PCDHGB2: variants seen among roughly 807,000 people sequenced by gnomAD.
PCDHGB2 encodes the protein protocadherin gamma-B2.
In PCDHGB2, 55 loss-of-function variants were observed where a neutral mutation model predicts 59.3. The observed-to-expected ratio is 0.93, with a 90% CI of 0.75 to 1.16. The LOEUF is 1.16. PCDHGB2 is among the 50% of genes most tolerant of loss of function. The pLI is 0.00. For missense variants in PCDHGB2, 1,228 were observed against 1,198.5 expected (o/e 1.02, Z -0.36); for synonymous variants, 516 against 512.0 (o/e 1.01, Z -0.11).
chr5:141,394,087 C>T, intron 1 of PCDHGB2: 2 of 1,613,888 alleles, frequency 1.2e-6, no homozygotes, highest in Non-Finnish European at 1.7e-6. Context: ...GTGATGGCCT[C>T]AGATCTAGGA....
rs777710801 is a variant in PCDHGB2, at chr5:141,400,340, A to G, written c.2421+37784A>G. On this transcript the variant is annotated intron_variant, in intron 1 of 3. Transcript: ENST00000522605. ...AAGTCTGGACCTGTGGTTCCCCCCA[A>G]CTACAGTCAGGGGACTTTGCCTTAT... The G allele has an allele frequency of 5.0e-6, 8 of 1,613,856 alleles. No homozygotes were observed. The highest frequency in any genetic ancestry group is 1.3e-5 in the African/African-American group (1 of 74,922).
Position 141,487,367 on chromosome 5 carries a change from G to A in PCDHGB2, c.2422-7440G>A. 1 of 1,614,204 alleles carries A rather than the reference G, an allele frequency of 6.2e-7. No individual in the cohort carries two copies. The highest frequency in any genetic ancestry group is 8.5e-7 in the Non-Finnish European group (1 of 1,180,030). ...CACATGCTTTCCTGCTGGCACCTGT[G>A]CCTGTCTCACCAGATCTCGAAGGAG... On this transcript the variant is annotated intron_variant, in intron 1 of 3. Coordinates refer to ENST00000522605, the MANE Select transcript of PCDHGB2 (RefSeq NM_018923.3). This position sits in a 1 kb window ranked among gnomAD's most constrained non-coding sequence, Gnocchi z 5.0.
Position 141,485,863 on chromosome 5 carries a change from A to G in PCDHGB2, c.2422-8944A>G, listed in dbSNP as rs770864367. 78 of 1,614,054 alleles carry G rather than the reference A, an allele frequency of 4.8e-5. No individual in the cohort carries two copies. Among genetic ancestry groups the G allele is most frequent in the Non-Finnish European group, 6.0e-5 (71 of 1,180,040 alleles). ...GATCTGGCACCGCAGAGCTCCGGGT[A>G]TCCGTGCTGGACGTAAACGACAACG... On this transcript the variant is annotated intron_variant, in intron 1 of 3. Coordinates refer to ENST00000522605, the MANE Select transcript of PCDHGB2 (RefSeq NM_018923.3). The surrounding 1 kb of genome is among the most constrained non-coding windows in gnomAD (Gnocchi z 5.7).
At chr5:141,419,584 C>T in intron 1 of PCDHGB2, 1 of 1,611,798 alleles carries the variant, frequency 6.2e-7, no homozygotes, top group Non-Finnish European at 8.5e-7. Context: ...CCGCGCTCTT[C>T]GACACAGTGC....
chr5:141,366,855 A>C, intron 1 of PCDHGB2: 3 of 1,456,922 alleles, frequency 2.1e-6, no homozygotes, highest in Non-Finnish European at 2.8e-6. Flanking sequence ...ATAGTGGAAC[A>C]TTATTTGCTG....
chr5:141,400,163 A>G, intron 1 of PCDHGB2: 1 of 1,613,830 alleles, frequency 6.2e-7, no homozygotes, highest in Non-Finnish European at 8.5e-7. Flanking sequence ...GTACCCTCTG[A>G]CCCCCAGGCT....
intron 1 of PCDHGB2, chr5:141,428,105 G>A: frequency 1.9e-6 from 3 of 1,608,184 alleles, no homozygotes; most frequent in Admixed American, 1.7e-5. Flanking sequence ...ACCACGTGCT[G>A]CAGGCCATCG....
chr5:141,502,039 G>T (rs2099812498), intron 2 of PCDHGB2, among the ~76,000 whole-genome samples: 1 of 152,126 alleles, frequency 6.6e-6, no homozygotes, highest in South Asian at 2.1e-4. Context: ...CCGCTTGCCT[G>T]CTCTCCCTAC....
intron 1 of PCDHGB2, chr5:141,391,283 A>G (rs2092334879): frequency 6.6e-6 from 1 of 152,120 alleles, no homozygotes; most frequent in African/African-American, 2.4e-5. Context: ...CAAATTGCTG[A>G]AAGAAGGAAA....
intron 1 of PCDHGB2, chr5:141,389,423 C>T: frequency 1.9e-6 from 3 of 1,613,516 alleles, no homozygotes; most frequent in Admixed American, 1.7e-5. Context: ...GGGTGGTGTT[C>T]GCGCAGCGCG....
chr5:141,458,059 T>G (rs533147047), intron 1 of PCDHGB2, among the ~76,000 whole-genome samples: 39 of 152,358 alleles, frequency 2.6e-4, no homozygotes, highest in African/African-American at 8.9e-4. Context: ...CTTGCTGCAC[T>G]GATGCGAACA....
At chr5:141,364,124 G>A (rs1449257232) in intron 1 of PCDHGB2, 9 of 457,656 alleles carry the variant, frequency 2.0e-5, no homozygotes, top group Admixed American at 1.5e-4. Flanking sequence ...TCTGAGTGTC[G>A]CTGTTGACCA....
chr5:141,415,105 C>T (rs1472993181), intron 1 of PCDHGB2: 1 of 1,613,652 alleles, frequency 6.2e-7, no homozygotes, highest in African/African-American at 1.3e-5. Flanking sequence ...CGCGCTCAAG[C>T]AAAGCCTCGT....
chr5:141,506,180 G>T (rs548366782), intron 3 of PCDHGB2, among the ~76,000 whole-genome samples: 44 of 152,294 alleles, frequency 2.9e-4, no homozygotes, highest in Non-Finnish European at 5.7e-4. Context: ...GCTGGGCGTG[G>T]TGGCTCACGC....
chr5:141,424,538 A>G (rs547426760), intron 1 of PCDHGB2: 37 of 152,340 alleles, frequency 2.4e-4, no homozygotes, highest in African/African-American at 8.9e-4. Context: ...TATAGAAATA[A>G]CTTGATTTTG....
At chr5:141,484,176 A>G (rs1044076131) in intron 1 of PCDHGB2, among the ~76,000 whole-genome samples, 1 of 152,236 alleles carries the variant, frequency 6.6e-6, no homozygotes, top group East Asian at 1.9e-4. Context: ...GCTGATCTCA[A>G]TCATTCAAGG....
intron 1 of PCDHGB2, chr5:141,376,901 A>G: frequency 5.2e-6 from 1 of 191,460 alleles, no homozygotes. Context: ...GTTAGCCAGG[A>G]TGGTCTCGAT....
At chr5:141,419,203 C>A in intron 1 of PCDHGB2, 1 of 1,613,988 alleles carries the variant, frequency 6.2e-7, no homozygotes, top group South Asian at 1.1e-5. Context: ...TCAATGACAA[C>A]GCGCCGGTTT....
chr5:141,394,007 A>G lies in PCDHGB2; in HGVS notation c.2421+31451A>G, dbSNP rs1230558462. The G allele has an allele frequency of 3.7e-6, 6 of 1,613,344 alleles. No homozygotes were observed. The East Asian group carries it at 1.3e-4, about 36-fold the overall frequency. Reference sequence around the variant, plus strand: ...TACCTTTTAAATTAGAAAAGTCAATAGGTAATTATTATAGATTAGTGACAA... The same window carrying G: ...TACCTTTTAAATTAGAAAAGTCAATGGGTAATTATTATAGATTAGTGACAA... On this transcript the variant is annotated intron_variant, in intron 1 of 3. Coordinates refer to ENST00000522605, the MANE Select transcript of PCDHGB2 (RefSeq NM_018923.3).
Sources: allele counts gnomAD v4.1 joint callset (sites outside exome capture counted in the v4.1 genomes callset), GRCh38; gene constraint gnomAD v4.1.1; non-coding constraint Gnocchi (gnomAD v3.1); transcripts MANE v1.5; gene names NCBI Gene and HGNC (gene_info 2026-07-23, HGNC 2026-07-21).